The following BIRC2 variants were observed in gnomAD, a reference collection of about 807,000 sequenced individuals.
BIRC2 encodes baculoviral IAP repeat-containing protein 2.
A neutral mutation model predicts 60.9 loss-of-function variants in BIRC2; 18 were observed. The observed-to-expected ratio is 0.30, with a 90% CI of 0.20 to 0.44. The LOEUF is 0.44. BIRC2 is among the 20% of genes least tolerant of loss of function. The pLI is 1.00. For missense variants in BIRC2, 701 were observed against 728.5 expected (o/e 0.96, Z 0.43); for synonymous variants, 282 against 247.7 (o/e 1.14, Z -1.30).
rs78410721 is a variant in BIRC2 at position 102,357,246 on chromosome 11, C to T, written c.996-5650C>T. On this transcript the variant is annotated intron_variant, in intron 3 of 8. Coordinates refer to ENST00000227758, the MANE Select transcript of BIRC2 (RefSeq NM_001166.5). ...CATAAAATGAGTTTGGAAGTATTCC[C>T]CCCTCCTCCCTCCTTACTCCCTCTT... Among the ~76,000 whole-genome samples, 868 of 151,274 alleles carry T rather than the reference C, an allele frequency of 5.7e-3. 11 individuals carry two copies. The highest frequency in any genetic ancestry group is 0.02 in the African/African-American group (824 of 41,196).
chr11:102,374,465 C>T (rs1226049083), intron 6 of BIRC2, among the ~76,000 whole-genome samples: 2 of 149,542 alleles, frequency 1.3e-5, no homozygotes, highest in South Asian at 2.2e-4. Flanking sequence ...GGGGTGCCTC[C>T]CAGTTAGGCT....
chr11:102,378,288 T>A lies in BIRC2; in HGVS notation c.*105T>A. The A allele has an allele frequency of 1.1e-6, 1 of 892,788 alleles. No individual in the cohort carries two copies. The highest frequency in any genetic ancestry group is 1.6e-6 in the Non-Finnish European group (1 of 615,972). The allele number at this position is 892,788 out of a possible 1,614,324, so 55.3% of individuals were successfully genotyped here. A position where few individuals can be genotyped will look rare whatever the true frequency, so the allele number is the denominator to read the frequency against. On this transcript the variant is annotated 3_prime_UTR_variant, in exon 9 of 9. Coordinates refer to ENST00000227758, the MANE Select transcript of BIRC2 (RefSeq NM_001166.5). Reference sequence around the variant, plus strand: ...AGGGAATTATGAGTTTTTCAATTAGTAACATTCATGTTCTAGTCTGCTTTG... The same window carrying A: ...AGGGAATTATGAGTTTTTCAATTAGAAACATTCATGTTCTAGTCTGCTTTG...
rs1164791424 is a variant in BIRC2, at chr11:102,349,111, C to G, written c.-744C>G. 1 of 152,518 alleles carries G rather than the reference C, an allele frequency of 6.6e-6. No individual in the cohort carries two copies. The highest frequency in any genetic ancestry group is 1.5e-5 in the Non-Finnish European group (1 of 68,260). The allele number at this position is 152,518 out of a possible 1,614,324, so 9.4% of individuals were successfully genotyped here. A position where few individuals can be genotyped will look rare whatever the true frequency, so the allele number is the denominator to read the frequency against. ...GGAAACAAATACAAATGATATTTAA[C>G]AAAGATAGAGTTTACAGTTTTTGAA... is the stretch of plus-strand genomic sequence containing the variant. On this transcript the variant is annotated 5_prime_UTR_variant, in exon 2 of 9. Transcript: ENST00000227758.
rs748192420 is a variant in BIRC2, at chr11:102,378,220, T to C, written c.*37T>C. The C allele has an allele frequency of 1.4e-6, 2 of 1,475,048 alleles. No individual in the cohort carries two copies. Among genetic ancestry groups the C allele is most frequent in the Admixed American group, 5.0e-5 (2 of 39,962 alleles). The allele number at this position is 1,475,048 out of a possible 1,614,324, so 91.4% of individuals were successfully genotyped here. On this transcript the variant is annotated 3_prime_UTR_variant, in exon 9 of 9. Transcript: ENST00000227758. ...CTATATTTTAACCTGCATAAAAAGG[T>C]CTTTAAAATATTGTTGAACACTTGA...
At chr11:102,374,900 G>C (rs1294145155) in intron 6 of BIRC2, among the ~76,000 whole-genome samples, 1 of 152,220 alleles carries the variant, frequency 6.6e-6, no homozygotes, top group Non-Finnish European at 1.5e-5. Context: ...TCTGAAAAGC[G>C]CAATATTCGG....
intron 3 of BIRC2, among the ~76,000 whole-genome samples, chr11:102,359,074 C>T (rs946092059): frequency 7.2e-5 from 11 of 152,154 alleles, no homozygotes; most frequent in African/African-American, 2.4e-4. Context: ...AGATGATTTT[C>T]TGTGGTGGTA....
At chr11:102,348,056 C>A (rs1165149167) in intron 1 of BIRC2, among the ~76,000 whole-genome samples, 1 of 152,170 alleles carries the variant, frequency 6.6e-6, no homozygotes, top group Non-Finnish European at 1.5e-5. Flanking sequence ...GTTTTGTTTT[C>A]GAGTTGCTTT....
Position 102,351,040 on chromosome 11 carries a change from G to T in BIRC2, c.995+97G>T, listed in dbSNP as rs931452508. ...TTGTTTACCTTTAAATTATAACAAA[G>T]CCTCTTTTATGCCATTGGGGAATTA... On this transcript the variant is annotated intron_variant, in intron 3 of 8. Coordinates refer to ENST00000227758, the MANE Select transcript of BIRC2 (RefSeq NM_001166.5). 1.3e-5 allele frequency: 14 copies of T among 1,111,518 alleles called. No individual in the cohort carries two copies. The South Asian group carries it at 2.1e-4, about 17-fold the overall frequency. The allele number at this position is 1,111,518 out of a possible 1,614,324, so 68.9% of individuals were successfully genotyped here. A position where few individuals can be genotyped will look rare whatever the true frequency, so the allele number is the denominator to read the frequency against.
At chr11:102,357,550 A>G (rs1951437426) in intron 3 of BIRC2, among the ~76,000 whole-genome samples, 1 of 151,988 alleles carries the variant, frequency 6.6e-6, no homozygotes, top group Non-Finnish European at 1.5e-5. Flanking sequence ...GAATGCATCC[A>G]TTTCTTCTAG....
At chr11:102,364,139 T>TTTTATATATATATATA (rs1243245141) in intron 5 of BIRC2, among the ~76,000 whole-genome samples, 4 of 61,418 alleles carry the variant, frequency 6.5e-5, no homozygotes, top group African/African-American at 1.6e-4. Flanking sequence ...CTAATAAATA[T>TTTTATATATATATATA]TATATATATA....
intron 5 of BIRC2, among the ~76,000 whole-genome samples, chr11:102,364,170 T>TATATAC (rs1297858586): frequency 1.1e-5 from 1 of 88,686 alleles, no homozygotes; most frequent in Non-Finnish European, 2.2e-5. Flanking sequence ...TATATATATA[T>TATATAC]ATATACACAC....
intron 6 of BIRC2, among the ~76,000 whole-genome samples, chr11:102,376,472 A>G (rs1192610785): frequency 6.6e-6 from 1 of 152,244 alleles, no homozygotes; most frequent in Non-Finnish European, 1.5e-5. Context: ...AAGGGGAAAG[A>G]AGATAGGCTT....
In BIRC2 at chr11:102,363,713, C is replaced by T. The variant is rs1406136881; in HGVS notation, c.1120C>T (p.Pro374Ser). The T allele has an allele frequency of 3.7e-6, 6 of 1,609,444 alleles. No homozygotes were observed. The highest frequency in any genetic ancestry group is 1.7e-5 in the Admixed American group (1 of 59,832). The change falls in exon 5 of 9, where the codon CCA (proline) becomes TCA (serine). Residue 374 changes from proline to serine, a missense_variant. By Grantham distance (74) the Pro-to-Ser change is moderately conservative. This residue lies in a region of BIRC2 where 235 missense variants were observed against 208.9 expected (regional missense o/e 1.12). Coordinates refer to ENST00000227758, the MANE Select transcript of BIRC2 (RefSeq NM_001166.5). ...CACTGGAGAAGAAAATGCTGACCCA[C>T]CAAGTATGTATGAGATAATTTTAAG... ...DTTGEENADP[P>S]IIHFGPGESS...
chr11:102,364,079 A>G (rs1333484282), intron 5 of BIRC2, among the ~76,000 whole-genome samples: 2 of 146,188 alleles, frequency 1.4e-5, no homozygotes, highest in African/African-American at 5.1e-5. Context: ...GAAAGTATGT[A>G]TTTTTTAAAA....
Position 102,377,632 on chromosome 11 carries a change from G to A in BIRC2, c.1503G>A (p.Gln501=). ...ATGATATTATTAAACAAAAAACACA[G>A]ATACCTTTACAAGCGAGAGAACTGA... ...QEHDIIKQKT[Q]IPLQARELID... Residue 501 remains glutamine, a synonymous_variant, in exon 7 of 9, where the codon CAG becomes CAA. Coordinates refer to ENST00000227758, the MANE Select transcript of BIRC2 (RefSeq NM_001166.5). The A allele has an allele frequency of 6.2e-7, 1 of 1,611,266 alleles. No individual in the cohort carries two copies. Among genetic ancestry groups the A allele is most frequent in the Non-Finnish European group, 8.5e-7 (1 of 1,179,278 alleles).
intron 6 of BIRC2, among the ~76,000 whole-genome samples, chr11:102,376,801 T>C (rs1417493406): frequency 1.3e-5 from 2 of 152,216 alleles, no homozygotes; most frequent in Non-Finnish European, 2.9e-5. Context: ...CATGTATTAT[T>C]CAATCCTTAC....
intron 6 of BIRC2, among the ~76,000 whole-genome samples, chr11:102,370,424 T>A (rs959195968): frequency 5.2e-5 from 7 of 134,500 alleles, no homozygotes; most frequent in Admixed American, 4.5e-4. Context: ...AAATAGGGAA[T>A]CCTTTCCCCA....
intron 3 of BIRC2, among the ~76,000 whole-genome samples, chr11:102,355,780 C>T (rs1245835824): frequency 6.6e-6 from 1 of 152,092 alleles, no homozygotes; most frequent in African/African-American, 2.4e-5. Context: ...CTGTCATTTT[C>T]AGTTTCCTTT....
chr11:102,358,278 C>A (rs1462904004), intron 3 of BIRC2, among the ~76,000 whole-genome samples: 3 of 152,116 alleles, frequency 2.0e-5, no homozygotes, highest in Non-Finnish European at 4.4e-5. Flanking sequence ...CCAAAATGTT[C>A]CAAAATTTAA....
Sources: allele counts gnomAD v4.1 joint callset (sites outside exome capture counted in the v4.1 genomes callset), GRCh38; gene constraint gnomAD v4.1.1; regional missense constraint gnomAD v4.1.1; transcripts MANE v1.5; gene names NCBI Gene and HGNC (gene_info 2026-07-23, HGNC 2026-07-21).